Variants in KALRN observed in about 807,000 individuals in gnomAD.
KALRN encodes the protein kalirin RhoGEF kinase.
KALRN carries 70 observed loss-of-function variants against 353.7 expected under a neutral mutation model. That is an observed-to-expected ratio of 0.20 (90% CI 0.16 to 0.24). The LOEUF is 0.24. Among genes scored for constraint, KALRN ranks in the 10% least tolerant of loss-of-function variants. The probability of loss-of-function intolerance (pLI) is 1.00; values close to 1 mark genes in which losing one functional copy is unlikely to be tolerated. For missense variants in KALRN, 2,791 were observed against 3,756.7 expected (o/e 0.74, Z 6.72); for synonymous variants, 1,391 against 1,434.8 (o/e 0.97, Z 0.69).
In KALRN at chr3:124,493,564, C is replaced by T. The variant is rs77431311; in HGVS notation, c.4832+682C>T. ...CCAAAGAAAGCATACAAAAACTTCACGTACATTTTGAAGAAAAAAAAATGG... is the reference window on the plus strand; with the variant it reads ...CCAAAGAAAGCATACAAAAACTTCATGTACATTTTGAAGAAAAAAAAATGG... On this transcript the variant is annotated intron_variant, in intron 32 of 59. Transcript: ENST00000682506. 3.9e-3 allele frequency among the ~76,000 whole-genome samples: 592 copies of T among 152,176 alleles called. 4 individuals carry two copies. The highest frequency in any genetic ancestry group is 0.013 in the African/African-American group (535 of 41,458).
At chr3:124,682,118 C>T (rs923733442) in intron 51 of KALRN, among the ~76,000 whole-genome samples, 4 of 152,118 alleles carry the variant, frequency 2.6e-5, no homozygotes, top group African/African-American at 7.2e-5. Flanking sequence ...GTAAGTAGAA[C>T]CTTATTGCAA....
intron 15 of KALRN, among the ~76,000 whole-genome samples, chr3:124,429,461 C>T (rs1299332127): frequency 6.6e-6 from 1 of 152,128 alleles, no homozygotes; most frequent in East Asian, 1.9e-4. Context: ...CATGAGGTGA[C>T]AGATGGGTGG....
At chr3:124,110,949 C>G (rs1451734317) in intron 1 of KALRN, among the ~76,000 whole-genome samples, 1 of 152,210 alleles carries the variant, frequency 6.6e-6, no homozygotes, top group Non-Finnish European at 1.5e-5. Flanking sequence ...AAACTAAATA[C>G]TATTGTTTCT....
At position 124,234,835 on chromosome 3, in the gene KALRN, G is replaced by A. The variant is rs530848505; in HGVS notation, c.155G>A (p.Arg52His). 6.3e-7 allele frequency: 1 copy of A among 1,597,946 alleles called. No individual in the cohort carries two copies. The highest frequency in any genetic ancestry group is 8.5e-7 in the Non-Finnish European group (1 of 1,171,050). Residue 52 changes from arginine to histidine, a missense_variant, in exon 3 of 60, where the codon CGT becomes CAT. By Grantham distance (29) the Arg-to-His change is conservative. Around this residue, in one of 11 missense-constraint regions of KALRN, gnomAD observed 110 missense variants for 204.1 expected, o/e 0.54. Transcript: ENST00000682506. ...CTCTTCCTCCTTCTTGCAGGGGGTC[G>A]TGATAAGCGAGGCGGACCCATCCTG... ...KEKVAFVSGG[R>H]DKRGGPILTF...
At chr3:124,260,929 C>T (rs1396981949) in intron 3 of KALRN, among the ~76,000 whole-genome samples, 1 of 152,126 alleles carries the variant, frequency 6.6e-6, no homozygotes, top group Admixed American at 6.5e-5. Flanking sequence ...TCCTCTGAGT[C>T]CCCTAACTTA....
intron 34 of KALRN, among the ~76,000 whole-genome samples, chr3:124,585,681 C>CAG (rs979808569): frequency 6.6e-6 from 1 of 152,176 alleles, no homozygotes; most frequent in African/African-American, 2.4e-5. Context: ...ATAGGATAAG[C>CAG]AGATGCTCCT....
At chr3:124,481,454 G>A (rs556715484) in intron 27 of KALRN, among the ~76,000 whole-genome samples, 9 of 152,154 alleles carry the variant, frequency 5.9e-5, no homozygotes, top group South Asian at 2.1e-4. Context: ...TGATCCTCCC[G>A]CCTCGGCCTC....
chr3:124,679,894 T>A, intron 51 of KALRN: 1 of 303,174 alleles, frequency 3.3e-6, no homozygotes, highest in South Asian at 3.3e-5. Flanking sequence ...CAAGGACTCA[T>A]TTCGTGTTTA....
intron 1 of KALRN, among the ~76,000 whole-genome samples, chr3:124,050,596 G>A (rs1024102111): frequency 1.3e-5 from 2 of 152,138 alleles, no homozygotes; most frequent in Admixed American, 6.5e-5. Flanking sequence ...GAGCCTTAAG[G>A]TGGGAGTATA....
At chr3:124,681,676 C>G (rs1237905488) in intron 51 of KALRN, among the ~76,000 whole-genome samples, 1 of 131,334 alleles carries the variant, frequency 7.6e-6, no homozygotes, top group Non-Finnish European at 1.5e-5. Flanking sequence ...GTCACACAGG[C>G]TGGAGTGCAG....
At chr3:124,046,541 A>G (rs1434630460) in intron 1 of KALRN, among the ~76,000 whole-genome samples, 1 of 152,206 alleles carries the variant, frequency 6.6e-6, no homozygotes, top group Non-Finnish European at 1.5e-5. Context: ...ATTGCATAAA[A>G]GAATGATCTG....
chr3:124,111,470 C>T lies in KALRN; in HGVS notation c.73+77657C>T, dbSNP rs116058769. On this transcript the variant is annotated intron_variant, in intron 1 of 59. Transcript: ENST00000682506. ...CCCTGTGGGACTGAAGTTGTCTTTG[C>T]GTCCCCTGAAGCACATGGATGCTTG... Among the ~76,000 whole-genome samples, 198 of 152,234 alleles carry T rather than the reference C, an allele frequency of 1.3e-3. 3 individuals are homozygous for T. The highest frequency in any genetic ancestry group is 3.4e-3 in the Middle Eastern group (1 of 294).
chr3:124,494,760 C>A (rs1281728208), intron 32 of KALRN, among the ~76,000 whole-genome samples: 1 of 152,230 alleles, frequency 6.6e-6, no homozygotes, highest in Non-Finnish European at 1.5e-5. Context: ...TACATTCACA[C>A]ATACACCAGA....
chr3:124,117,827 A>G (rs778671183), intron 1 of KALRN, among the ~76,000 whole-genome samples: 3 of 152,224 alleles, frequency 2.0e-5, no homozygotes, highest in Non-Finnish European at 2.9e-5. Flanking sequence ...TTTAGTTTCT[A>G]AGATAATGGA....
intron 19 of KALRN, among the ~76,000 whole-genome samples, chr3:124,444,635 CAA>C (rs11370483): frequency 7.4e-6 from 1 of 134,468 alleles, no homozygotes; most frequent in African/African-American, 2.7e-5. Flanking sequence ...CCCATCTCTA[CAA>C]AAAAAAAAAA....
chr3:124,632,295 G>A (rs1461135049), intron 34 of KALRN, 125 bp from the exon 35 acceptor site: 3 of 860,182 alleles, frequency 3.5e-6, no homozygotes, highest in Non-Finnish European at 5.6e-6. Flanking sequence ...CTGGACTGGG[G>A]TCTACAGCTG....
chr3:124,114,472 T>C (rs1312520738), intron 1 of KALRN, among the ~76,000 whole-genome samples: 1 of 152,130 alleles, frequency 6.6e-6, no homozygotes, highest in Non-Finnish European at 1.5e-5. Flanking sequence ...GTGGGGAAGA[T>C]GGACTTAGCT....
intron 2 of KALRN, among the ~76,000 whole-genome samples, chr3:124,229,413 T>C (rs2078920229): frequency 6.6e-6 from 1 of 152,230 alleles, no homozygotes; most frequent in African/African-American, 2.4e-5. Flanking sequence ...ACAGTGTTAG[T>C]AGCGAAAGAT....
chr3:124,317,649 T>C (rs2078935702), intron 6 of KALRN, among the ~76,000 whole-genome samples: 1 of 144,388 alleles, frequency 6.9e-6, no homozygotes, highest in Admixed American at 7.3e-5. Context: ...CCTGAAATAC[T>C]GTATTTCTAA....
Sources: gnomAD v4.1 joint callset for allele counts (sites outside exome capture counted in the v4.1 genomes callset) on GRCh38, gnomAD v4.1.1 for gene constraint, gnomAD v4.1.1 regional missense constraint, MANE v1.5 for transcripts, NCBI Gene and HGNC (gene_info 2026-07-23, HGNC 2026-07-21) for gene names.